Variants in FRMPD4 observed in about 807,000 individuals in gnomAD.
FRMPD4 encodes FERM and PDZ domain containing 4, also known as FERM and PDZ domain-containing protein 4.
FRMPD4 carries 22 observed loss-of-function variants against 94.1 expected under a neutral mutation model. The observed-to-expected ratio is 0.23, with a 90% CI of 0.17 to 0.33. FRMPD4 has a LOEUF of 0.33. FRMPD4 is among the 10% of genes least tolerant of loss of function. FRMPD4 has a pLI of 1.00. For synonymous variants in FRMPD4, 631 were observed against 548.6 expected (o/e 1.15, Z -2.10); for missense variants, 1,111 against 1,339.9 (o/e 0.83, Z 2.67).
chrX:12,702,067 G>A (rs2041796180), intron 10 of FRMPD4, 57 bp downstream of exon 10: 11 of 1,127,558 alleles, frequency 9.8e-6, no homozygotes, highest in Middle Eastern at 2.4e-4. Context: ...CCCTTAGCCC[G>A]GGTGTATTTT....
chrX:12,278,165 A>G (rs952176233), intron 1 of FRMPD4, among the ~76,000 whole-genome samples: 1 of 112,356 alleles, frequency 8.9e-6, no homozygotes, highest in African/African-American at 3.2e-5. Context: ...TTCTTCCAGA[A>G]GTTCATACCT....
At chrX:11,863,909 G>C (rs919850728) in intron 1 of FRMPD4, among the ~76,000 whole-genome samples, 1 of 112,175 alleles carries the variant, frequency 8.9e-6, no homozygotes, top group Non-Finnish European at 1.9e-5. Flanking sequence ...TTGACAGTCA[G>C]AAATGACTTT....
chrX:12,207,755 A>G (rs1337242551), intron 1 of FRMPD4, among the ~76,000 whole-genome samples: 1 of 109,652 alleles, frequency 9.1e-6, no homozygotes, highest in South Asian at 4.0e-4. Flanking sequence ...CGGGAGGGGG[A>G]ATCCTGGAAA....
At chrX:12,616,794 G>T (rs1019348659) in intron 4 of FRMPD4, among the ~76,000 whole-genome samples, 7 of 112,300 alleles carry the variant, frequency 6.2e-5, no homozygotes, top group Admixed American at 5.7e-4. Flanking sequence ...TTGCATCCTG[G>T]AATGCCATGT....
intron 3 of FRMPD4, among the ~76,000 whole-genome samples, chrX:12,029,773 G>C (rs1295170640): frequency 9.0e-6 from 1 of 111,313 alleles, no homozygotes; most frequent in Non-Finnish European, 1.9e-5. Context: ...CAACTAATTA[G>C]GGGCTTTGAT....
At chrX:12,496,525 G>A (rs912658030) in intron 1 of FRMPD4, among the ~76,000 whole-genome samples, 2 of 112,260 alleles carry the variant, frequency 1.8e-5, no homozygotes, top group African/African-American at 3.2e-5. Flanking sequence ...CATACTGGCC[G>A]TTGTCAGGGC....
At chrX:12,619,233 A>G (rs1451486256) in intron 4 of FRMPD4, among the ~76,000 whole-genome samples, 1 of 112,110 alleles carries the variant, frequency 8.9e-6, no homozygotes, top group African/African-American at 3.2e-5. Context: ...GGTTGCTCAC[A>G]TCTGTCAGAC....
At chrX:12,588,352 C>T (rs2058951997) in intron 2 of FRMPD4, among the ~76,000 whole-genome samples, 1 of 112,313 alleles carries the variant, frequency 8.9e-6, no homozygotes, top group South Asian at 3.7e-4. Context: ...CCAGGATTTC[C>T]TCCCTTTGGG....
At chrX:11,952,888 C>T (rs1336450023) in intron 3 of FRMPD4, among the ~76,000 whole-genome samples, 1 of 111,516 alleles carries the variant, frequency 9.0e-6, no homozygotes, top group Admixed American at 9.5e-5. Flanking sequence ...TTTCAGGCAC[C>T]CCCAAAATCA....
intron 1 of FRMPD4, among the ~76,000 whole-genome samples, chrX:12,222,868 A>G (rs1408021411): frequency 1.8e-5 from 2 of 111,982 alleles, no homozygotes; most frequent in South Asian, 3.7e-4. Flanking sequence ...GAGATGTACC[A>G]TGTTTTGTTT....
intron 3 of FRMPD4, among the ~76,000 whole-genome samples, chrX:12,090,840 C>T (rs1477977063): frequency 8.9e-6 from 1 of 112,508 alleles, no homozygotes; most frequent in Non-Finnish European, 1.9e-5. Context: ...ATTTTATTCT[C>T]ATCTTCTTTC....
chrX:12,330,755 T>C (rs752746941), intron 1 of FRMPD4, among the ~76,000 whole-genome samples: 2 of 111,330 alleles, frequency 1.8e-5, no homozygotes, highest in Admixed American at 9.6e-5. Flanking sequence ...TGAAACAATA[T>C]TGACACCCTC....
At chrX:12,013,662 A>G (rs776410927) in intron 3 of FRMPD4, among the ~76,000 whole-genome samples, 8 of 113,255 alleles carry the variant, frequency 7.1e-5, no homozygotes, top group African/African-American at 1.3e-4. Flanking sequence ...GTATCCAGCT[A>G]CAATTACCAT....
At chrX:12,333,377 G>T (rs1456460628) in intron 1 of FRMPD4, among the ~76,000 whole-genome samples, 3 of 111,243 alleles carry the variant, frequency 2.7e-5, no homozygotes, top group Non-Finnish European at 5.7e-5. Flanking sequence ...GTTACTAGAG[G>T]TATGGCCAAG....
intron 3 of FRMPD4, among the ~76,000 whole-genome samples, chrX:11,952,964 G>A (rs1601854236): frequency 8.9e-6 from 1 of 111,955 alleles, no homozygotes; most frequent in Non-Finnish European, 1.9e-5. Context: ...CTATTTGCAC[G>A]TTAAAATTGG....
intron 1 of FRMPD4, among the ~76,000 whole-genome samples, chrX:12,204,793 A>C (rs1204957724): frequency 9.0e-6 from 1 of 111,079 alleles, no homozygotes; most frequent in African/African-American, 3.3e-5. Context: ...GCCTAGATTC[A>C]CTGGAGCAAA....
chrX:11,871,630 T>C (rs1232717839), intron 2 of FRMPD4, among the ~76,000 whole-genome samples: 1 of 112,113 alleles, frequency 8.9e-6, no homozygotes, highest in Non-Finnish European at 1.9e-5. Flanking sequence ...TAATCTCAAC[T>C]CTGTTGGAGG....
intron 1 of FRMPD4, among the ~76,000 whole-genome samples, chrX:12,177,749 T>A (rs760540266): frequency 8.9e-6 from 1 of 111,988 alleles, no homozygotes; most frequent in African/African-American, 3.2e-5. Context: ...TCACTGGAGG[T>A]ATAGCAGTGA....
At chrX:12,475,397 T>C (rs555285700) in intron 1 of FRMPD4, among the ~76,000 whole-genome samples, 4,179 of 111,527 alleles carry the variant, frequency 0.037, 227 homozygotes, top group African/African-American at 0.13. Flanking sequence ...CTTTGAAAAC[T>C]GGCACAAGAC....
Sources: allele counts gnomAD v4.1 joint callset (sites outside exome capture counted in the v4.1 genomes callset), GRCh38; gene constraint gnomAD v4.1.1; transcripts MANE v1.5; gene names NCBI Gene and HGNC (gene_info 2026-07-23, HGNC 2026-07-21).